Variants in RBFOX1 observed in about 807,000 individuals in gnomAD.
RBFOX1 encodes RNA binding fox-1 homolog 1, also known as RNA binding protein fox-1 homolog 1.
In RBFOX1, 8 loss-of-function variants were observed where a neutral mutation model predicts 57.7. That is an observed-to-expected ratio of 0.14 (90% CI 0.08 to 0.25). The LOEUF is 0.25. Ranked by LOEUF, RBFOX1 falls within the 10% of genes least tolerant of loss-of-function variation. RBFOX1 has a pLI of 1.00. For missense variants in RBFOX1, 611 were observed against 548.5 expected, an observed-to-expected ratio of 1.11 and a Z score of -1.14; for synonymous variants, 326 against 222.4, an observed-to-expected ratio of 1.47 and a Z score of -4.15.
At chr16:5,446,577 GC>G (rs1393284211) in intron 1 of RBFOX1, among the ~76,000 whole-genome samples, 4 of 151,984 alleles carry the variant, frequency 2.6e-5, no homozygotes, top group African/African-American at 7.2e-5. Context: ...CTTCTGGTGG[GC>G]TTTAACAGGA....
intron 4 of RBFOX1, among the ~76,000 whole-genome samples, chr16:7,420,671 A>G (rs565893683): frequency 1.3e-5 from 2 of 150,160 alleles, no homozygotes; most frequent in Admixed American, 1.3e-4. Flanking sequence ...AATGTTGTCT[A>G]CTCTTTGATA....
intron 2 of RBFOX1, among the ~76,000 whole-genome samples, chr16:6,608,576 A>T (rs1325092928): frequency 6.6e-6 from 1 of 152,146 alleles, no homozygotes. Context: ...ATCGCTTGAG[A>T]CCAGGAGTTT....
At chr16:7,478,868 A>G (rs183112717) in intron 4 of RBFOX1, among the ~76,000 whole-genome samples, 249 of 152,284 alleles carry the variant, frequency 1.6e-3, no homozygotes, top group Non-Finnish European at 2.8e-3. Context: ...GCCTTGAAAT[A>G]GCTCTGTTGC....
chr16:6,129,229 A>T (rs769704936), intron 1 of RBFOX1, among the ~76,000 whole-genome samples: 1 of 152,210 alleles, frequency 6.6e-6, no homozygotes, highest in Non-Finnish European at 1.5e-5. Context: ...ATCAGAAATG[A>T]CTTTAAAACC....
At chr16:7,068,815 C>T (rs542027408) in intron 4 of RBFOX1, among the ~76,000 whole-genome samples, 23 of 152,300 alleles carry the variant, frequency 1.5e-4, no homozygotes, top group African/African-American at 5.5e-4. Flanking sequence ...TCTCGAACTC[C>T]AGACCTCAAG....
intron 10 of RBFOX1, among the ~76,000 whole-genome samples, chr16:7,624,689 G>A (rs914264466): frequency 1.3e-5 from 2 of 152,164 alleles, no homozygotes; most frequent in Admixed American, 1.3e-4. Context: ...GCCCTGCAGG[G>A]TTCTAGGGTT....
intron 4 of RBFOX1, among the ~76,000 whole-genome samples, chr16:7,402,480 C>T (rs79296018): frequency 0.064 from 9,775 of 152,114 alleles, 396 homozygotes; most frequent in East Asian, 0.19. Context: ...GAATTTCTGC[C>T]GAGAGATAGG....
At chr16:6,612,864 A>AAAAATC (rs1555612745) in intron 2 of RBFOX1, among the ~76,000 whole-genome samples, 2 of 8,618 alleles carry the variant, frequency 2.3e-4, no homozygotes, top group South Asian at 0.013. Context: ...AAAAAAAAAA[A>AAAAATC]ATAATAATAA....
chr16:6,875,843 A>AG, intron 3 of RBFOX1, among the ~76,000 whole-genome samples: 1 of 151,964 alleles, frequency 6.6e-6, no homozygotes, highest in Non-Finnish European at 1.5e-5. Flanking sequence ...CATCTCTACA[A>AG]AAAAATTAGC....
At chr16:7,010,688 C>G (rs1337766276) in intron 3 of RBFOX1, among the ~76,000 whole-genome samples, 1 of 152,108 alleles carries the variant, frequency 6.6e-6, no homozygotes, top group Non-Finnish European at 1.5e-5. Context: ...CTCAGCCTAC[C>G]AAGTAGCTGG....
intron 1 of RBFOX1, among the ~76,000 whole-genome samples, chr16:6,239,526 T>C (rs1260859171): frequency 7.2e-6 from 1 of 138,366 alleles, no homozygotes; most frequent in Admixed American, 7.9e-5. Context: ...TGAGATAGAG[T>C]CTTGCTCTTT....
Position 6,097,144 on chromosome 16 carries a change from A to G in RBFOX1, c.-127+77152A>G, listed in dbSNP as rs1272005650. Among the ~76,000 whole-genome samples the G allele has an allele frequency of 6.6e-6, 1 of 151,924 alleles. No homozygotes were observed. Among genetic ancestry groups the G allele is most frequent in the Non-Finnish European group, 1.5e-5 (1 of 68,012 alleles). ...GGGAAATCGCTTTCACTTCGTTCTT[A>G]TATTCTTTCCTGTCTGCTGCCTTGT... On this transcript the variant is annotated intron_variant, in intron 1 of 15. Coordinates refer to ENST00000550418, the MANE Select transcript of RBFOX1 (RefSeq NM_018723.4). The surrounding 1 kb of genome is among the most constrained non-coding windows in gnomAD (Gnocchi z 5.0).
intron 1 of RBFOX1, among the ~76,000 whole-genome samples, chr16:6,081,976 G>C (rs2096008206): frequency 1.3e-5 from 2 of 152,164 alleles, no homozygotes. Context: ...GTCACATGGT[G>C]TGTGGTTAAT....
chr16:7,383,514 C>T (rs532980712), intron 4 of RBFOX1, among the ~76,000 whole-genome samples: 2 of 152,104 alleles, frequency 1.3e-5, no homozygotes, highest in African/African-American at 4.8e-5. Context: ...ACTTGGAATT[C>T]ATCTTTTGAG....
intron 4 of RBFOX1, among the ~76,000 whole-genome samples, chr16:7,100,297 ACT>A (rs1445339882): frequency 1.3e-5 from 2 of 152,012 alleles, no homozygotes; most frequent in Admixed American, 1.3e-4. Flanking sequence ...AAGAACCCTG[ACT>A]CTTTCTGAAA....
intron 2 of RBFOX1, among the ~76,000 whole-genome samples, chr16:6,607,017 C>T (rs181783843): frequency 6.6e-6 from 1 of 152,286 alleles, no homozygotes; most frequent in African/African-American, 2.4e-5. Flanking sequence ...TTGTCAGCAT[C>T]TGTTGTTTCT....
At chr16:6,320,618 T>C (rs1044707252) in intron 2 of RBFOX1, among the ~76,000 whole-genome samples, 3 of 152,154 alleles carry the variant, frequency 2.0e-5, no homozygotes, top group Non-Finnish European at 4.4e-5. Flanking sequence ...TCACCTTACA[T>C]AGTTAACCCT....
chr16:7,458,076 C>G (rs112766317), intron 4 of RBFOX1, among the ~76,000 whole-genome samples: 1 of 152,120 alleles, frequency 6.6e-6, no homozygotes, highest in African/African-American at 2.4e-5. Flanking sequence ...CCTGATTCAC[C>G]TTCCAAATCA....
At chr16:6,384,714 C>T (rs1424337791) in intron 2 of RBFOX1, among the ~76,000 whole-genome samples, 2 of 152,322 alleles carry the variant, frequency 1.3e-5, no homozygotes, top group East Asian at 3.9e-4. Context: ...TTATAAGTGC[C>T]TCCATCTCAG....
Sources: gnomAD v4.1 joint callset for allele counts (sites outside exome capture counted in the v4.1 genomes callset) on GRCh38, gnomAD v4.1.1 for gene constraint, Gnocchi (gnomAD v3.1) non-coding constraint, MANE v1.5 for transcripts, NCBI Gene and HGNC (gene_info 2026-07-23, HGNC 2026-07-21) for gene names.